Variants in USP47 observed in about 807,000 individuals in gnomAD.
USP47 encodes the protein ubiquitin carboxyl-terminal hydrolase 47.
Under a neutral mutation model 165.1 loss-of-function variants are expected in USP47, and 35 were observed. The observed-to-expected ratio is 0.21, with a 90% CI of 0.16 to 0.28. The LOEUF is 0.28. Ranked by LOEUF, USP47 falls within the 10% of genes least tolerant of loss-of-function variation. The pLI is 1.00. For missense variants in USP47, 1,277 were observed against 1,607.4 expected (o/e 0.79, Z 3.52); for synonymous variants, 531 against 544.5 (o/e 0.98, Z 0.35).
chr11:11,880,830 C>G (rs1162753952), intron 2 of USP47, among the ~76,000 whole-genome samples: 1 of 152,084 alleles, frequency 6.6e-6, no homozygotes, highest in African/African-American at 2.4e-5. Context: ...TTATCTCTAG[C>G]TGACTATTTC....
chr11:11,872,710 T>G (rs1444468732), intron 1 of USP47, among the ~76,000 whole-genome samples: 2 of 149,676 alleles, frequency 1.3e-5, no homozygotes, highest in African/African-American at 5.1e-5. Context: ...TAGTTGCAGT[T>G]CAACAATTTT....
intron 1 of USP47, chr11:11,856,728 A>T (rs1205558230): frequency 4.6e-5 from 7 of 152,212 alleles, no homozygotes; most frequent in Non-Finnish European, 8.8e-5. Flanking sequence ...TCTGATTTTC[A>T]CTGAGAGCCA....
intron 5 of USP47, among the ~76,000 whole-genome samples, chr11:11,902,012 C>T (rs1231883899): frequency 6.6e-6 from 1 of 150,682 alleles, no homozygotes; most frequent in African/African-American, 2.4e-5. Flanking sequence ...CTTCACCAGT[C>T]ATTCAGCTTT....
chr11:11,863,238 C>A (rs1849485130), intron 1 of USP47, among the ~76,000 whole-genome samples: 1 of 152,016 alleles, frequency 6.6e-6, no homozygotes. Context: ...TACTTTACTT[C>A]AGTTTTCATC....
intron 2 of USP47, among the ~76,000 whole-genome samples, chr11:11,881,092 T>G (rs1564862250): frequency 6.6e-6 from 1 of 152,166 alleles, no homozygotes; most frequent in Non-Finnish European, 1.5e-5. Context: ...CTTTAAATAT[T>G]TAGTGATTTT....
In USP47 at chr11:11,910,262, C is replaced by T. The variant is rs528328650; in HGVS notation, c.969+4714C>T. Among the ~76,000 whole-genome samples the T allele has an allele frequency of 5.9e-5, 9 of 152,256 alleles. No individual in the cohort carries two copies. The South Asian group carries it at 6.2e-4, about 11-fold the overall frequency. On this transcript the variant is annotated intron_variant, in intron 8 of 27. Transcript: ENST00000527733. Reference sequence around the variant, plus strand: ...GGACCTCAGCACCCAAGGAATAACACGGTGGTGAGTTCCATGGGTTTTCTT... The same window carrying T: ...GGACCTCAGCACCCAAGGAATAACATGGTGGTGAGTTCCATGGGTTTTCTT...
intron 1 of USP47, among the ~76,000 whole-genome samples, chr11:11,857,824 G>T (rs890359648): frequency 6.6e-6 from 1 of 152,158 alleles, no homozygotes; most frequent in Non-Finnish European, 1.5e-5. Flanking sequence ...TTGTAACTTC[G>T]CTTCAGCCTC....
intron 1 of USP47, among the ~76,000 whole-genome samples, chr11:11,861,404 C>A (rs1333335376): frequency 6.6e-6 from 1 of 152,060 alleles, no homozygotes; most frequent in Non-Finnish European, 1.5e-5. Flanking sequence ...CCCCATCCAA[C>A]TTTGAATGTA....
chr11:11,888,278 G>A (rs1851292716), intron 3 of USP47, among the ~76,000 whole-genome samples: 1 of 152,000 alleles, frequency 6.6e-6, no homozygotes, highest in Non-Finnish European at 1.5e-5. Flanking sequence ...AAATCCAGGA[G>A]TTGGTTTTTT....
intron 14 of USP47, 117 bp downstream of exon 14, chr11:11,930,868 T>A: frequency 1.4e-6 from 1 of 707,804 alleles, no homozygotes; most frequent in South Asian, 2.2e-5. Flanking sequence ...GTTTTATGCC[T>A]GGAAGAATTA....
chr11:11,885,448 C>T (rs1851094544), intron 3 of USP47, among the ~76,000 whole-genome samples: 1 of 152,124 alleles, frequency 6.6e-6, no homozygotes, highest in Admixed American at 6.5e-5. Context: ...AATCCCCACC[C>T]CCAGCCAAGG....
chr11:11,883,608 T>G (rs1331951847), intron 2 of USP47, among the ~76,000 whole-genome samples: 1 of 152,218 alleles, frequency 6.6e-6, no homozygotes, highest in South Asian at 2.1e-4. Flanking sequence ...TTTGAAACAT[T>G]AAAAACATTT....
rs946808789 is a variant in USP47, at chr11:11,960,280, T to C, written c.*4105T>C. On this transcript the variant is annotated 3_prime_UTR_variant, in exon 28 of 28. Transcript: ENST00000527733. ...GGGGAAGACATGTGCTAACCACTTCTTAGCAATGAGGCTGGTAAGGTTACT... is the reference window on the plus strand; with the variant it reads ...GGGGAAGACATGTGCTAACCACTTCCTAGCAATGAGGCTGGTAAGGTTACT... 3.9e-5 allele frequency among the ~76,000 whole-genome samples: 6 copies of C among 152,096 alleles called. No individual in the cohort carries two copies. Among genetic ancestry groups the C allele is most frequent in the African/African-American group, 1.4e-4 (6 of 41,424 alleles).
At position 11,892,195 on chromosome 11, in the gene USP47, A is replaced by T; in HGVS notation, c.496+89A>T. ...GAAGCCTAATCCTCTTATTTTATGGATAAGAAAACTGAGACCTAGAGCAGG... is the reference window on the plus strand; with the variant it reads ...GAAGCCTAATCCTCTTATTTTATGGTTAAGAAAACTGAGACCTAGAGCAGG... On this transcript the variant is annotated intron_variant, in intron 4 of 27. Coordinates refer to ENST00000527733, the MANE Select transcript of USP47 (RefSeq NM_001282659.2). 2.8e-6 allele frequency: 4 copies of T among 1,408,164 alleles called. No homozygotes were observed. The South Asian group carries it at 5.8e-5, about 20-fold the overall frequency. 87.2% of individuals were successfully genotyped at this position (1,408,164 alleles called of 1,614,324 possible).
At chr11:11,911,922 A>G (rs901266211) in intron 8 of USP47, among the ~76,000 whole-genome samples, 1 of 152,130 alleles carries the variant, frequency 6.6e-6, no homozygotes, top group Non-Finnish European at 1.5e-5. Context: ...GTGGAATCAG[A>G]TTAGCAGACA....
At chr11:11,935,836 G>C (rs1855022240) in intron 16 of USP47, among the ~76,000 whole-genome samples, 1 of 151,830 alleles carries the variant, frequency 6.6e-6, no homozygotes, top group Non-Finnish European at 1.5e-5. Flanking sequence ...CTTTGTGATG[G>C]CTTTATGAGA....
At position 11,960,116 on chromosome 11, in the gene USP47, A is replaced by AT. The variant is rs745789360; in HGVS notation, c.*3943dup. On this transcript the variant is annotated 3_prime_UTR_variant, in exon 28 of 28. Transcript: ENST00000527733. ...TCCTGTGACTTTTAAGTCATTTTGC[A>AT]TTATTAAGACAATCTTATCTTAAAG... Among the ~76,000 whole-genome samples the AT allele has an allele frequency of 5.9e-5, 9 of 152,190 alleles. No homozygotes were observed. Among genetic ancestry groups the AT allele is most frequent in the Non-Finnish European group, 1.2e-4 (8 of 68,050 alleles).
rs993121673 is a variant in USP47 at position 11,948,426 on chromosome 11, G to A, written c.3268-52G>A. 4.1e-6 allele frequency: 6 copies of A among 1,472,844 alleles called. No individual in the cohort carries two copies. The African/African-American group carries it at 7.0e-5, about 17-fold the overall frequency. The allele number at this position is 1,472,844 out of a possible 1,614,324, so 91.2% of individuals were successfully genotyped here. A position where few individuals can be genotyped will look rare whatever the true frequency, so the allele number is the denominator to read the frequency against. On this transcript the variant is annotated intron_variant, in intron 21 of 27. Coordinates refer to ENST00000527733, the MANE Select transcript of USP47 (RefSeq NM_001282659.2). ...AAGTTTAAAAATGGGATGAGAATGGGTTGTTTATTCTGCTGAGACAGCATG... is the reference window on the plus strand; with the variant it reads ...AAGTTTAAAAATGGGATGAGAATGGATTGTTTATTCTGCTGAGACAGCATG...
intron 1 of USP47, among the ~76,000 whole-genome samples, chr11:11,862,968 T>C (rs1308291296): frequency 1.3e-5 from 2 of 152,156 alleles, no homozygotes; most frequent in Non-Finnish European, 2.9e-5. Context: ...TCTTTCATCA[T>C]CTACCCCCCT....
Sources: gnomAD v4.1 joint callset for allele counts (sites outside exome capture counted in the v4.1 genomes callset) on GRCh38, gnomAD v4.1.1 for gene constraint, MANE v1.5 for transcripts, NCBI Gene and HGNC (gene_info 2026-07-23, HGNC 2026-07-21) for gene names.